KIAA1328: variants seen among roughly 807,000 people sequenced by gnomAD.
KIAA1328 encodes KIAA1328.
KIAA1328 carries 52 observed loss-of-function variants against 68.1 expected under a neutral mutation model. That is an observed-to-expected ratio of 0.76 (90% CI 0.61 to 0.96). The LOEUF (loss-of-function observed/expected upper bound fraction) is 0.96, where lower values mean the gene tolerates loss of function less well. Among genes scored for constraint, KIAA1328 ranks in the 40% least tolerant of loss-of-function variants. The probability of loss-of-function intolerance (pLI) is 0.00; values close to 1 mark genes in which losing one functional copy is unlikely to be tolerated. For missense variants in KIAA1328, 641 were observed against 677.6 expected, an observed-to-expected ratio of 0.95 and a Z score of 0.60; for synonymous variants, 232 against 239.4, an observed-to-expected ratio of 0.97 and a Z score of 0.28.
At chr18:37,025,971 C>T (rs949698140) in intron 6 of KIAA1328, among the ~76,000 whole-genome samples, 3 of 151,904 alleles carry the variant, frequency 2.0e-5, no homozygotes, top group Non-Finnish European at 4.4e-5. Flanking sequence ...ATTCATAGAC[C>T]GCTAGCAAGA....
rs890730200 is a variant in KIAA1328 at position 36,867,783 on chromosome 18, T to C, written c.333-17774T>C. 2.0e-5 allele frequency among the ~76,000 whole-genome samples: 3 copies of C among 152,320 alleles called. No homozygotes were observed. The South Asian group carries it at 6.2e-4, about 32-fold the overall frequency. On this transcript the variant is annotated intron_variant, in intron 4 of 9. Transcript: ENST00000280020. ...AGATATAAATAAATTTTAGAATTGG[T>C]ATACTAGACGGAACAATTGATGCAT...
intron 6 of KIAA1328, among the ~76,000 whole-genome samples, chr18:37,062,532 T>A (rs547751338): frequency 6.6e-6 from 1 of 151,716 alleles, no homozygotes; most frequent in Non-Finnish European, 1.5e-5. Context: ...CTTGTTTCAC[T>A]GCAAGCTCCG....
chr18:37,073,790 G>A (rs2056614765), intron 7 of KIAA1328, among the ~76,000 whole-genome samples: 1 of 152,084 alleles, frequency 6.6e-6, no homozygotes, highest in Non-Finnish European at 1.5e-5. Flanking sequence ...GTATTCATAA[G>A]TGCTTTTTGC....
chr18:36,968,174 A>C (rs1646157949), intron 6 of KIAA1328, among the ~76,000 whole-genome samples: 1 of 152,192 alleles, frequency 6.6e-6, no homozygotes, highest in African/African-American at 2.4e-5. Flanking sequence ...ACACTTAAGT[A>C]CACAGACCAG....
chr18:37,228,431 T>A (rs2060650115), downstream of KIAA1328, among the ~76,000 whole-genome samples: 3 of 152,166 alleles, frequency 2.0e-5, no homozygotes, highest in Admixed American at 6.5e-5. Flanking sequence ...GTTGTCTTAT[T>A]TTAAGAAATT....
intron 4 of KIAA1328, among the ~76,000 whole-genome samples, chr18:36,848,541 CTT>C (rs59271370): frequency 1.6e-4 from 6 of 38,142 alleles, no homozygotes; most frequent in Admixed American, 3.6e-4. Flanking sequence ...TCTATAGATG[CTT>C]TTTTTTTTTT....
At chr18:37,008,700 G>A (rs771314230) in intron 6 of KIAA1328, among the ~76,000 whole-genome samples, 12 of 152,134 alleles carry the variant, frequency 7.9e-5, no homozygotes, top group Non-Finnish European at 1.3e-4. Context: ...CAGAGAAATA[G>A]AGACTATAAA....
chr18:36,846,034 T>G (rs2047016734), intron 4 of KIAA1328, among the ~76,000 whole-genome samples: 1 of 151,650 alleles, frequency 6.6e-6, no homozygotes, highest in Non-Finnish European at 1.5e-5. Flanking sequence ...TATATGGGAA[T>G]CATTTGTTCT....
At chr18:37,178,572 G>A (rs1599521243) in intron 9 of KIAA1328, among the ~76,000 whole-genome samples, 1 of 150,008 alleles carries the variant, frequency 6.7e-6, no homozygotes, top group Admixed American at 6.6e-5. Flanking sequence ...TTGACATACC[G>A]GTTTCATTTC....
At chr18:37,032,943 A>G (rs561243315) in intron 6 of KIAA1328, among the ~76,000 whole-genome samples, 2 of 152,220 alleles carry the variant, frequency 1.3e-5, no homozygotes, top group South Asian at 2.1e-4. Flanking sequence ...GCCCAGCTGC[A>G]TGTTTTTTAA....
chr18:36,835,598 C>T (rs2046647573), intron 3 of KIAA1328, among the ~76,000 whole-genome samples: 1 of 152,108 alleles, frequency 6.6e-6, no homozygotes, highest in Non-Finnish European at 1.5e-5. Flanking sequence ...TAAGCATTAG[C>T]CATGATAATG....
chr18:36,963,556 GTTACTGAT>G (rs142773591), intron 6 of KIAA1328, among the ~76,000 whole-genome samples: 1,568 of 152,264 alleles, frequency 0.01, 34 homozygotes, highest in African/African-American at 0.036. Flanking sequence ...TTTCTCAGGT[GTTACTGAT>G]TTGTATTTAA....
chr18:36,844,389 T>C (rs1194090307), intron 4 of KIAA1328, 87 bp downstream of exon 4: 2 of 780,424 alleles, frequency 2.6e-6, no homozygotes, highest in Non-Finnish European at 3.8e-6. Flanking sequence ...TTTTGATGAC[T>C]TAATATCTTT....
intron 5 of KIAA1328, among the ~76,000 whole-genome samples, chr18:36,918,186 A>G (rs375978162): frequency 2.0e-5 from 3 of 151,822 alleles, no homozygotes; most frequent in East Asian, 1.9e-4. Context: ...TTTGTATCCA[A>G]TCAGTCTCTG....
Position 37,016,942 on chromosome 18 carries a change from A to G in KIAA1328, c.577-49948A>G, listed in dbSNP as rs1483884653. 3.3e-5 allele frequency among the ~76,000 whole-genome samples: 5 copies of G among 152,012 alleles called. No homozygotes were observed. The East Asian group carries it at 9.6e-4, about 29-fold the overall frequency. On this transcript the variant is annotated intron_variant, in intron 6 of 9. Transcript: ENST00000280020. The stretch of plus-strand genomic sequence containing the variant: ...ATGTTTGGTTTCATCAATTCTTTGT[A>G]TGGATTTTTGGGCCTCAATTTCATT...
chr18:37,079,709 GA>G (rs888050218), intron 7 of KIAA1328, among the ~76,000 whole-genome samples: 1 of 151,742 alleles, frequency 6.6e-6, no homozygotes, highest in African/African-American at 2.4e-5. Flanking sequence ...CCAACATGGT[GA>G]AACCCTGTCT....
At chr18:37,120,455 G>A (rs1167949709) in intron 7 of KIAA1328, among the ~76,000 whole-genome samples, 1 of 152,140 alleles carries the variant, frequency 6.6e-6, no homozygotes, top group African/African-American at 2.4e-5. Flanking sequence ...AGGAAAGAAA[G>A]GGGGATGAGA....
chr18:36,961,953 T>A (rs912676594), intron 6 of KIAA1328, among the ~76,000 whole-genome samples: 24 of 152,288 alleles, frequency 1.6e-4, no homozygotes, highest in South Asian at 8.3e-4. Flanking sequence ...AGGATCAAAT[T>A]CCACATAACA....
At chr18:37,102,227 T>C (rs2057641280) in intron 7 of KIAA1328, among the ~76,000 whole-genome samples, 3 of 152,124 alleles carry the variant, frequency 2.0e-5, no homozygotes, top group Non-Finnish European at 4.4e-5. Flanking sequence ...TGTGGTACAC[T>C]GAGAACACAT....
Sources: allele counts gnomAD v4.1 joint callset (sites outside exome capture counted in the v4.1 genomes callset), GRCh38; gene constraint gnomAD v4.1.1; transcripts MANE v1.5; gene names NCBI Gene and HGNC (gene_info 2026-07-23, HGNC 2026-07-21).